SLC25A13: variants seen among roughly 807,000 people sequenced by gnomAD.
SLC25A13 encodes electrogenic aspartate/glutamate antiporter SLC25A13, mitochondrial.
In SLC25A13, 70 loss-of-function variants were observed where a neutral mutation model predicts 85.5. The ratio of observed to expected loss-of-function variants is 0.82; its 90% CI spans 0.68 to 1.00. The LOEUF (loss-of-function observed/expected upper bound fraction) is 1.00. Ranked by LOEUF, SLC25A13 falls within the 50% of genes least tolerant of loss-of-function variation. The pLI is 0.00. For missense variants in SLC25A13, 765 were observed against 819.8 expected, an observed-to-expected ratio of 0.93 and a Z score of 0.82; for synonymous variants, 259 against 288.7, an observed-to-expected ratio of 0.90 and a Z score of 1.04.
chr7:96,250,483 C>T (rs1010729514), intron 3 of SLC25A13, among the ~76,000 whole-genome samples: 4 of 152,116 alleles, frequency 2.6e-5, no homozygotes, highest in South Asian at 2.1e-4. Context: ...GAGGACATGC[C>T]GAATGGTTGG....
intron 14 of SLC25A13, among the ~76,000 whole-genome samples, chr7:96,146,282 G>C (rs867108711): frequency 6.6e-6 from 1 of 152,088 alleles, no homozygotes. Flanking sequence ...ATTCTAGCCA[G>C]TGTTGCTGCA....
intron 13 of SLC25A13, among the ~76,000 whole-genome samples, chr7:96,154,445 T>A (rs1445399307): frequency 6.6e-6 from 1 of 152,062 alleles, no homozygotes; most frequent in East Asian, 1.9e-4. Context: ...TACAGGTGCG[T>A]GCCACGACAT....
intron 3 of SLC25A13, among the ~76,000 whole-genome samples, chr7:96,243,174 CA>C (rs1367375890): frequency 6.6e-6 from 1 of 152,202 alleles, no homozygotes; most frequent in Non-Finnish European, 1.5e-5. Context: ...CCATGTTGGC[CA>C]GGCTGGCCTC....
At chr7:96,290,591 C>T (rs555652433) in intron 2 of SLC25A13, among the ~76,000 whole-genome samples, 1 of 122,466 alleles carries the variant, frequency 8.2e-6, no homozygotes, top group Non-Finnish European at 1.7e-5. Flanking sequence ...ATCTACCAAG[C>T]AAATGGAAAA....
Position 96,218,702 on chromosome 7 carries a change from CTT to C in SLC25A13, c.329-9727_329-9726del, listed in dbSNP as rs563558815. 4.1e-4 allele frequency among the ~76,000 whole-genome samples: 63 copies of C among 152,254 alleles called. 1 individual carries two copies. The East Asian group carries it at 0.011, about 27-fold the overall frequency. ...AAACACTAAACCATAATCTCTCTCT[CTT>C]TCTCATGGATTTTAAAAATTCCATT... On this transcript the variant is annotated intron_variant, in intron 4 of 17. Transcript: ENST00000265631.
Position 96,121,996 on chromosome 7 carries a change from A to G in SLC25A13, c.1593T>C (p.Gly531=), listed in dbSNP as rs1347392751. The G allele has an allele frequency of 9.3e-6, 15 of 1,613,922 alleles. No homozygotes were observed. Among genetic ancestry groups the G allele is most frequent in the Admixed American group, 3.3e-5 (2 of 60,010 alleles). ...GGGTCACTAAAGATGCTGCAGGCAT[A>G]CCTGCAGGAGAGACACAACACCATC... ...GSLLLAGAIA[G]MPAASLVTPA... Residue 531 remains glycine, a splice_region_variant and synonymous_variant, in exon 16 of 18, where the codon GGT becomes GGC. Transcript: ENST00000265631.
intron 13 of SLC25A13, among the ~76,000 whole-genome samples, chr7:96,160,479 G>C (rs1012238070): frequency 7.9e-5 from 12 of 152,208 alleles, no homozygotes; most frequent in African/African-American, 2.9e-4. Context: ...AGTTCTGGAG[G>C]CTCGAAATCT....
chr7:96,247,548 G>T (rs945556817), intron 3 of SLC25A13, among the ~76,000 whole-genome samples: 2 of 152,100 alleles, frequency 1.3e-5, no homozygotes, highest in Non-Finnish European at 2.9e-5. Flanking sequence ...TTGTATCTCA[G>T]ATGAAAGATT....
intron 3 of SLC25A13, among the ~76,000 whole-genome samples, chr7:96,242,149 C>A (rs1797022231): frequency 6.6e-6 from 1 of 152,190 alleles, no homozygotes; most frequent in Non-Finnish European, 1.5e-5. Flanking sequence ...TGTGTTACAG[C>A]AGAAGCCAAG....
At chr7:96,280,930 A>T (rs567483903) in intron 2 of SLC25A13, among the ~76,000 whole-genome samples, 9 of 152,314 alleles carry the variant, frequency 5.9e-5, no homozygotes, top group African/African-American at 1.9e-4. Flanking sequence ...TCAGAAGTAT[A>T]TCACCAACAG....
chr7:96,292,411 T>C (rs1799161876), intron 2 of SLC25A13, among the ~76,000 whole-genome samples: 1 of 152,074 alleles, frequency 6.6e-6, no homozygotes, highest in South Asian at 2.1e-4. Flanking sequence ...TTTAACATAG[T>C]GTTGGAAGTC....
intron 11 of SLC25A13, among the ~76,000 whole-genome samples, chr7:96,174,965 T>C (rs1346392319): frequency 6.6e-6 from 1 of 152,160 alleles, no homozygotes; most frequent in Non-Finnish European, 1.5e-5. Flanking sequence ...ATGAACACAG[T>C]GAGACTGGTG....
At chr7:96,243,114 C>T (rs1240893163) in intron 3 of SLC25A13, among the ~76,000 whole-genome samples, 5 of 152,104 alleles carry the variant, frequency 3.3e-5, no homozygotes, top group South Asian at 2.1e-4. Flanking sequence ...TACAGGCGTG[C>T]GCCACCATCC....
intron 2 of SLC25A13, among the ~76,000 whole-genome samples, chr7:96,280,851 C>A (rs77568867): frequency 0.013 from 2,026 of 152,182 alleles, 41 homozygotes; most frequent in African/African-American, 0.047. Context: ...AAGGAGTAAA[C>A]CATTTTAGAA....
Position 96,184,439 on chromosome 7 carries a change from A to G in SLC25A13, c.1019-4T>C, listed in dbSNP as rs772875420. ...TACACAGCAGTGGCTCCAACAGCTAAAATTAAACAATATCATTATCTCAGA... is the reference window on the plus strand; with the variant it reads ...TACACAGCAGTGGCTCCAACAGCTAGAATTAAACAATATCATTATCTCAGA... On this transcript the variant is annotated splice_region_variant and splice_polypyrimidine_tract_variant and intron_variant, in intron 10 of 17. Transcript: ENST00000265631. 6.2e-7 allele frequency: 1 copy of G among 1,613,796 alleles called. No individual in the cohort carries two copies. Among genetic ancestry groups the G allele is most frequent in the Non-Finnish European group, 8.5e-7 (1 of 1,179,762 alleles).
chr7:96,316,007 C>G (rs1352034457), intron 1 of SLC25A13, among the ~76,000 whole-genome samples: 5 of 151,884 alleles, frequency 3.3e-5, no homozygotes, highest in African/African-American at 1.2e-4. Flanking sequence ...GCCTGAGGTC[C>G]TAGCTATTCA....
At chr7:96,209,353 TAC>T (rs59571646) in intron 4 of SLC25A13, among the ~76,000 whole-genome samples, 42 of 145,536 alleles carry the variant, frequency 2.9e-4, no homozygotes, top group East Asian at 6.1e-4. Context: ...GGAAAACACA[TAC>T]ACACACACAC....
intron 3 of SLC25A13, among the ~76,000 whole-genome samples, chr7:96,257,110 G>A (rs1166907973): frequency 1.3e-5 from 2 of 152,164 alleles, no homozygotes; most frequent in Non-Finnish European, 2.9e-5. Flanking sequence ...ATAGGAAAAG[G>A]CGGGAAAGAT....
chr7:96,192,561 C>T (rs548164034), intron 6 of SLC25A13, among the ~76,000 whole-genome samples: 11 of 152,258 alleles, frequency 7.2e-5, no homozygotes, highest in Non-Finnish European at 1.3e-4. Context: ...CCATGAAACA[C>T]AACTGCAGGG....
Sources: allele counts gnomAD v4.1 joint callset (sites outside exome capture counted in the v4.1 genomes callset), GRCh38; gene constraint gnomAD v4.1.1; transcripts MANE v1.5; gene names NCBI Gene and HGNC (gene_info 2026-07-23, HGNC 2026-07-21).